The following SEC23A variants were observed in gnomAD, a reference collection of about 807,000 sequenced individuals.
SEC23A encodes protein transport protein Sec23A.
A neutral mutation model predicts 103.7 loss-of-function variants in SEC23A; 56 were observed. The ratio of observed to expected loss-of-function variants is 0.54; its 90% CI spans 0.44 to 0.67. SEC23A has a LOEUF of 0.67. Ranked by LOEUF, SEC23A falls within the 30% of genes least tolerant of loss-of-function variation. SEC23A has a pLI of 0.00. For synonymous variants in SEC23A, 281 were observed against 293.0 expected, an observed-to-expected ratio of 0.96 and a Z score of 0.42; for missense variants, 784 against 936.4, an observed-to-expected ratio of 0.84 and a Z score of 2.12.
At chr14:39,096,817 A>G (rs1421941576) in intron 1 of SEC23A, among the ~76,000 whole-genome samples, 2 of 152,216 alleles carry the variant, frequency 1.3e-5, no homozygotes, top group South Asian at 2.1e-4. Flanking sequence ...TCAAAATTAT[A>G]AAGTTCTAAA....
chr14:39,076,356 C>T (rs1887020486), intron 7 of SEC23A, among the ~76,000 whole-genome samples: 1 of 151,868 alleles, frequency 6.6e-6, no homozygotes, highest in Non-Finnish European at 1.5e-5. Context: ...TCCTGCTTAA[C>T]TCATCTCAGA....
intron 11 of SEC23A, among the ~76,000 whole-genome samples, chr14:39,064,032 T>C (rs1441574013): frequency 6.6e-6 from 1 of 151,462 alleles, no homozygotes; most frequent in Non-Finnish European, 1.5e-5. Context: ...TATATGCTAT[T>C]TAATGAAGTA....
chr14:39,063,218 G>T, intron 12 of SEC23A, 106 bp downstream of exon 12: 1 of 700,102 alleles, frequency 1.4e-6, no homozygotes. Context: ...TAAATGTTGG[G>T]TTATATCTAC....
In SEC23A at chr14:39,070,016, A is replaced by T. The variant is rs187848272; in HGVS notation, c.1104-2720T>A. Among the ~76,000 whole-genome samples, 15 of 152,342 alleles carry T rather than the reference A, an allele frequency of 9.8e-5. 1 individual carries two copies. The highest frequency in any genetic ancestry group is 9.2e-4 in the Admixed American group (14 of 15,296). On this transcript the variant is annotated intron_variant, in intron 9 of 19. Transcript: ENST00000307712. ...CTCCTCTCATTAGAACTGTACTAAC[A>T]TGTGGCTAGTTAAATTTAAATGTAA...
chr14:39,065,010 C>T lies in SEC23A; in HGVS notation c.1228-17G>A, dbSNP rs1386189667. 1.3e-6 allele frequency: 2 copies of T among 1,547,362 alleles called. No homozygotes were observed. The highest frequency in any genetic ancestry group is 1.8e-6 in the Non-Finnish European group (2 of 1,119,128). On this transcript the variant is annotated splice_polypyrimidine_tract_variant and intron_variant, in intron 10 of 19. Coordinates refer to ENST00000307712, the MANE Select transcript of SEC23A (RefSeq NM_006364.4). ...CCTTGAGGTCTGCAAAATAAGAATACAGCATGTTCGGTTTCCTCAAAGATA... is the reference window on the plus strand; with the variant it reads ...CCTTGAGGTCTGCAAAATAAGAATATAGCATGTTCGGTTTCCTCAAAGATA...
At chr14:39,055,445 T>A (rs1886211538) in intron 13 of SEC23A, 149 bp from the exon 14 acceptor site, 1 of 760,548 alleles carries the variant, frequency 1.3e-6, no homozygotes, top group South Asian at 1.8e-5. Context: ...TCTCGCTCTG[T>A]CACCTAGGCT....
intron 15 of SEC23A, among the ~76,000 whole-genome samples, chr14:39,046,284 C>T (rs1285198864): frequency 1.3e-5 from 2 of 152,058 alleles, no homozygotes; most frequent in African/African-American, 4.8e-5. Context: ...GCCTGGCCAA[C>T]ATGGTGAAAC....
intron 13 of SEC23A, among the ~76,000 whole-genome samples, chr14:39,058,675 A>T (rs1468166474): frequency 3.3e-5 from 5 of 152,206 alleles, no homozygotes; most frequent in Non-Finnish European, 7.3e-5. Flanking sequence ...GATGGTTGAA[A>T]CGTGTGAATT....
At position 39,065,016 on chromosome 14, in the gene SEC23A, G is replaced by A. The variant is rs550671292; in HGVS notation, c.1228-23C>T. 9.4e-6 allele frequency: 14 copies of A among 1,486,594 alleles called. No homozygotes were observed. The South Asian group carries it at 1.5e-4, about 16-fold the overall frequency. 92.1% of individuals were successfully genotyped at this position (1,486,594 alleles called of 1,614,324 possible). A position where few individuals can be genotyped will look rare whatever the true frequency, so the allele number is the denominator to read the frequency against. On this transcript the variant is annotated intron_variant, in intron 10 of 19. Transcript: ENST00000307712. ...GGTCTGCAAAATAAGAATACAGCATGTTCGGTTTCCTCAAAGATACGTTCA... is the reference window on the plus strand; with the variant it reads ...GGTCTGCAAAATAAGAATACAGCATATTCGGTTTCCTCAAAGATACGTTCA...
At chr14:39,069,596 A>G (rs867284633) in intron 9 of SEC23A, among the ~76,000 whole-genome samples, 2 of 152,072 alleles carry the variant, frequency 1.3e-5, no homozygotes, top group African/African-American at 4.8e-5. Flanking sequence ...AGTAGCTGGG[A>G]CCACAGGCGC....
chr14:39,077,548 G>C (rs1304805395), intron 7 of SEC23A, among the ~76,000 whole-genome samples: 3 of 150,118 alleles, frequency 2.0e-5, no homozygotes, highest in African/African-American at 7.4e-5. Context: ...TCAAAAAAAA[G>C]AAAGAAAGAG....
At chr14:39,086,037 T>C (rs903737347) in intron 6 of SEC23A, 131 bp from the exon 7 acceptor site, 2 of 810,790 alleles carry the variant, frequency 2.5e-6, no homozygotes, top group Non-Finnish European at 4.2e-6. Flanking sequence ...TCTCAAACTT[T>C]CGTGTATATG....
At chr14:39,047,952 T>C (rs560251723) in intron 15 of SEC23A, among the ~76,000 whole-genome samples, 69 of 152,222 alleles carry the variant, frequency 4.5e-4, no homozygotes, top group Non-Finnish European at 8.2e-4. Flanking sequence ...ATTTATCTGG[T>C]CTGGCCCCAT....
intron 10 of SEC23A, 39 bp from the exon 11 acceptor site, chr14:39,065,032 G>A: frequency 2.3e-6 from 3 of 1,316,592 alleles, no homozygotes; most frequent in Non-Finnish European, 3.3e-6. Context: ...TTTCCTCAAA[G>A]ATACGTTCAA....
intron 8 of SEC23A, among the ~76,000 whole-genome samples, chr14:39,075,347 G>C (rs911289389): frequency 6.6e-6 from 1 of 152,180 alleles, no homozygotes; most frequent in East Asian, 1.9e-4. Context: ...ATATAATACT[G>C]ATGAAGACTA....
At chr14:39,063,009 G>C (rs1254227495) in intron 12 of SEC23A, among the ~76,000 whole-genome samples, 1 of 152,116 alleles carries the variant, frequency 6.6e-6, no homozygotes, top group Non-Finnish European at 1.5e-5. Flanking sequence ...TGTGTAGCTA[G>C]AAGGGAATTT....
At chr14:39,076,145 C>A (rs1291924758) in intron 7 of SEC23A, 52 bp from the exon 8 acceptor site, 2 of 1,314,128 alleles carry the variant, frequency 1.5e-6, no homozygotes, top group Non-Finnish European at 1.1e-6. Context: ...ATATACATTT[C>A]TGATAATAAT....
chr14:39,101,871 T>C (rs1240911300), intron 1 of SEC23A, among the ~76,000 whole-genome samples: 1 of 152,156 alleles, frequency 6.6e-6, no homozygotes, highest in Non-Finnish European at 1.5e-5. Flanking sequence ...ATCAGCAAAA[T>C]AAGAGACTTG....
intron 6 of SEC23A, among the ~76,000 whole-genome samples, chr14:39,086,183 C>G (rs908158292): frequency 2.6e-5 from 4 of 152,152 alleles, no homozygotes; most frequent in African/African-American, 7.2e-5. Flanking sequence ...ATAACAGCCC[C>G]AGAAACCACA....
Sources: gnomAD v4.1 joint callset for allele counts (sites outside exome capture counted in the v4.1 genomes callset) on GRCh38, gnomAD v4.1.1 for gene constraint, MANE v1.5 for transcripts, NCBI Gene and HGNC (gene_info 2026-07-23, HGNC 2026-07-21) for gene names.